The following CNTNAP2 variants were observed in gnomAD, a reference collection of about 807,000 sequenced individuals.
CNTNAP2 encodes contactin-associated protein-like 2.
CNTNAP2 carries 98 observed loss-of-function variants against 155.2 expected under a neutral mutation model. The observed-to-expected ratio is 0.63, with a 90% CI of 0.54 to 0.75. The LOEUF (loss-of-function observed/expected upper bound fraction) is 0.75. Among genes scored for constraint, CNTNAP2 ranks in the 30% least tolerant of loss-of-function variants. The probability of loss-of-function intolerance (pLI) is 0.00; values close to 1 mark genes in which losing one functional copy is unlikely to be tolerated. For synonymous variants in CNTNAP2, 651 were observed against 631.2 expected, an observed-to-expected ratio of 1.03 and a Z score of -0.47; for missense variants, 1,727 against 1,688.1, an observed-to-expected ratio of 1.02 and a Z score of -0.40.
rs1042609606 is a variant in CNTNAP2 at position 147,462,732 on chromosome 7, A to G, written c.1671-23203A>G. ...TAAAGTCTTGCTTAGTTGAGTATTC[A>G]CATAAATAGTGACAATATTGTGTAA... On this transcript the variant is annotated intron_variant, in intron 10 of 23. Transcript: ENST00000361727. 2.0e-5 allele frequency among the ~76,000 whole-genome samples: 3 copies of G among 152,318 alleles called. No individual in the cohort carries two copies. The South Asian group carries it at 6.2e-4, about 32-fold the overall frequency.
chr7:146,498,780 A>G (rs1457429659), intron 1 of CNTNAP2, among the ~76,000 whole-genome samples: 2 of 152,116 alleles, frequency 1.3e-5, no homozygotes. Context: ...TTTTTACTCC[A>G]GTAGATGGTT....
chr7:147,458,123 A>G (rs1174939001), intron 10 of CNTNAP2, among the ~76,000 whole-genome samples: 4 of 113,432 alleles, frequency 3.5e-5, no homozygotes, highest in Non-Finnish European at 7.6e-5. Flanking sequence ...CTCTATTGGT[A>G]CTATCAGAAA....
At chr7:147,153,664 A>T (rs1801868454) in intron 8 of CNTNAP2, among the ~76,000 whole-genome samples, 1 of 152,218 alleles carries the variant, frequency 6.6e-6, no homozygotes, top group Non-Finnish European at 1.5e-5. Context: ...CAGAAGAAAC[A>T]TAATGCAGTG....
At chr7:146,333,431 C>A (rs905357819) in intron 1 of CNTNAP2, among the ~76,000 whole-genome samples, 6 of 152,094 alleles carry the variant, frequency 3.9e-5, no homozygotes, top group African/African-American at 1.4e-4. Context: ...CAGTGAATAT[C>A]AGAGTAGAAA....
At chr7:146,334,833 A>C (rs913567287) in intron 1 of CNTNAP2, among the ~76,000 whole-genome samples, 9 of 152,194 alleles carry the variant, frequency 5.9e-5, no homozygotes, top group Non-Finnish European at 1.2e-4. Context: ...CACTTCAGTT[A>C]TCAGTATTAT....
rs567559703 is a variant in CNTNAP2, at chr7:147,220,749, C to G, written c.1349-79392C>G. 9.8e-4 allele frequency among the ~76,000 whole-genome samples: 149 copies of G among 152,208 alleles called. 1 individual carries two copies. The highest frequency in any genetic ancestry group is 3.5e-3 in the African/African-American group (146 of 41,526). On this transcript the variant is annotated intron_variant, in intron 8 of 23. Transcript: ENST00000361727. ...TTATTTTTTGAGATGGAGTCTCACT[C>G]TCTTGCCCAGGCTGGAGTGTAGTGG...
chr7:148,103,652 A>C (rs2116584890), intron 15 of CNTNAP2, among the ~76,000 whole-genome samples: 1 of 152,274 alleles, frequency 6.6e-6, no homozygotes, highest in Non-Finnish European at 1.5e-5. Context: ...TAAAAACAGC[A>C]ACAAAGGCCA....
At chr7:147,563,640 A>C (rs993926510) in intron 12 of CNTNAP2, among the ~76,000 whole-genome samples, 33 of 151,904 alleles carry the variant, frequency 2.2e-4, no homozygotes, top group Non-Finnish European at 4.4e-4. Context: ...TAAATAAATA[A>C]ATAAATAAAT....
chr7:146,354,781 T>C, intron 1 of CNTNAP2, among the ~76,000 whole-genome samples: 1 of 151,880 alleles, frequency 6.6e-6, no homozygotes, highest in Middle Eastern at 3.2e-3. Context: ...GGTCTCTTTC[T>C]CTACAGATTC....
chr7:147,073,234 A>G (rs1213925455), intron 4 of CNTNAP2, among the ~76,000 whole-genome samples: 1 of 148,790 alleles, frequency 6.7e-6, no homozygotes. Context: ...GTAGCCATAA[A>G]AAGAATGAGA....
chr7:147,626,925 C>T (rs1351458078), intron 12 of CNTNAP2, among the ~76,000 whole-genome samples: 1 of 152,246 alleles, frequency 6.6e-6, no homozygotes. Context: ...CCTCACTTCG[C>T]TGCCACCTCT....
At chr7:148,393,215 TAATTACATCTG>T (rs913752536) in intron 22 of CNTNAP2, among the ~76,000 whole-genome samples, 2 of 152,234 alleles carry the variant, frequency 1.3e-5, no homozygotes, top group Non-Finnish European at 2.9e-5. Flanking sequence ...CCTGCTCTTA[TAATTACATCTG>T]AATTATTTCT....
At chr7:146,322,348 GC>G (rs2129092750) in intron 1 of CNTNAP2, among the ~76,000 whole-genome samples, 1 of 152,278 alleles carries the variant, frequency 6.6e-6, no homozygotes, top group African/African-American at 2.4e-5. Context: ...AGATGTATGA[GC>G]TTTGGTAGTA....
chr7:147,026,116 T>A (rs1398722697), intron 3 of CNTNAP2, among the ~76,000 whole-genome samples: 1 of 152,148 alleles, frequency 6.6e-6, no homozygotes, highest in Non-Finnish European at 1.5e-5. Flanking sequence ...TGCCTCAGCA[T>A]CCCAAAGTGC....
chr7:147,224,771 C>T (rs943941435), intron 8 of CNTNAP2, among the ~76,000 whole-genome samples: 5 of 151,892 alleles, frequency 3.3e-5, no homozygotes, highest in East Asian at 1.9e-4. Flanking sequence ...ATGTTTCCCC[C>T]CTCTCTATAT....
At chr7:147,192,162 A>G (rs987923598) in intron 8 of CNTNAP2, among the ~76,000 whole-genome samples, 1 of 152,242 alleles carries the variant, frequency 6.6e-6, no homozygotes. Context: ...CACCAGCCAA[A>G]GCATGAAGGA....
intron 1 of CNTNAP2, among the ~76,000 whole-genome samples, chr7:146,413,680 C>T (rs957462350): frequency 2.0e-5 from 3 of 152,142 alleles, no homozygotes; most frequent in African/African-American, 7.2e-5. Flanking sequence ...CTTTCTCCTG[C>T]TCCTCCTTCT....
chr7:147,477,168 T>A lies in CNTNAP2; in HGVS notation c.1671-8767T>A, dbSNP rs1199621776. Among the ~76,000 whole-genome samples the A allele has an allele frequency of 2.0e-5, 3 of 152,162 alleles. No homozygotes were observed. The South Asian group carries it at 6.2e-4, about 31-fold the overall frequency. ...CTAAATATTTTTTTGGGGAGAAATA[T>A]AGTTTACAATTATTCTAAATTTAAC... On this transcript the variant is annotated intron_variant, in intron 10 of 23. Coordinates refer to ENST00000361727, the MANE Select transcript of CNTNAP2 (RefSeq NM_014141.6).
chr7:147,149,580 C>T (rs1196285127), intron 8 of CNTNAP2, among the ~76,000 whole-genome samples: 1 of 152,064 alleles, frequency 6.6e-6, no homozygotes, highest in Non-Finnish European at 1.5e-5. Flanking sequence ...TGGAGGATTT[C>T]TTTTAAGGGA....
Sources: gnomAD v4.1 joint callset for allele counts (sites outside exome capture counted in the v4.1 genomes callset) on GRCh38, gnomAD v4.1.1 for gene constraint, MANE v1.5 for transcripts, NCBI Gene and HGNC (gene_info 2026-07-23, HGNC 2026-07-21) for gene names.